IMPG1: variants seen among roughly 807,000 people sequenced by gnomAD.
IMPG1 encodes interphotoreceptor matrix proteoglycan of 150 kDa.
In IMPG1, 85 loss-of-function variants were observed where a neutral mutation model predicts 92.0. That is an observed-to-expected ratio of 0.92 (90% CI 0.78 to 1.11). IMPG1 has a LOEUF of 1.11. Ranked by LOEUF, IMPG1 falls within the 50% of genes least tolerant of loss-of-function variation. The probability of loss-of-function intolerance (pLI) is 0.00; values close to 1 mark genes in which losing one functional copy is unlikely to be tolerated. For synonymous variants in IMPG1, 367 were observed against 334.1 expected (o/e 1.10, Z -1.08); for missense variants, 1,022 against 956.0 (o/e 1.07, Z -0.91).
intron 6 of IMPG1, among the ~76,000 whole-genome samples, chr6:76,020,215 G>C (rs1427915618): frequency 6.6e-6 from 1 of 152,010 alleles, no homozygotes; most frequent in Non-Finnish European, 1.5e-5. Context: ...ACCATGCCCA[G>C]GTAATTTTTA....
chr6:75,923,749 T>TATC, intron 15 of IMPG1, 43 bp from the exon 16 acceptor site: 1 of 1,133,690 alleles, frequency 8.8e-7, no homozygotes, highest in Non-Finnish European at 1.3e-6. Flanking sequence ...TTCTTGGGCT[T>TATC]ATCAACATTA....
chr6:76,022,111 C>T lies in IMPG1; in HGVS notation c.666+5G>A. 1 of 1,520,800 alleles carries T rather than the reference C, an allele frequency of 6.6e-7. No homozygotes were observed. The highest frequency in any genetic ancestry group is 1.1e-5 in the South Asian group (1 of 89,116). The allele number at this position is 1,520,800 out of a possible 1,614,324, so 94.2% of individuals were successfully genotyped here. On this transcript the variant is annotated splice_donor_5th_base_variant and intron_variant, in intron 6 of 16. Transcript: ENST00000369950. The stretch of plus-strand genomic sequence containing the variant: ...AGAGCTAGATCAACTCTAGGAACTT[C>T]TTACTGTTGTAGGCATCTTGGTGTC...
intron 12 of IMPG1, among the ~76,000 whole-genome samples, chr6:75,960,081 C>T (rs185129824): frequency 2.8e-4 from 42 of 152,274 alleles, no homozygotes; most frequent in Admixed American, 1.3e-3. Flanking sequence ...CCGTTCCTCA[C>T]GGCACAGTCT....
chr6:76,070,282 A>T (rs550775163), intron 1 of IMPG1, among the ~76,000 whole-genome samples: 81 of 152,328 alleles, frequency 5.3e-4, no homozygotes, highest in African/African-American at 1.9e-3. Context: ...TTGAGATACT[A>T]TCTCACATAA....
intron 1 of IMPG1, among the ~76,000 whole-genome samples, chr6:76,045,170 C>T (rs1462579896): frequency 1.3e-5 from 2 of 152,160 alleles, no homozygotes; most frequent in Non-Finnish European, 2.9e-5. Flanking sequence ...TATAAGGTCA[C>T]CCAGTTTTAA....
chr6:75,969,571 A>T (rs779652039), intron 12 of IMPG1, among the ~76,000 whole-genome samples: 3 of 152,042 alleles, frequency 2.0e-5, no homozygotes, highest in Non-Finnish European at 4.4e-5. Context: ...GTGAAACCCC[A>T]TCTCTACTAA....
intron 14 of IMPG1, among the ~76,000 whole-genome samples, chr6:75,931,361 A>G (rs1781667021): frequency 6.6e-6 from 1 of 152,214 alleles, no homozygotes; most frequent in Admixed American, 6.5e-5. Flanking sequence ...TTTAGCTCCA[A>G]ATGTAATTAT....
intron 2 of IMPG1, among the ~76,000 whole-genome samples, chr6:76,040,180 A>G (rs986198666): frequency 3.9e-5 from 6 of 152,194 alleles, no homozygotes; most frequent in Non-Finnish European, 5.9e-5. Flanking sequence ...TGGGGAGAAA[A>G]ACAATGGTTT....
intron 15 of IMPG1, among the ~76,000 whole-genome samples, chr6:75,924,407 TA>T (rs1290608130): frequency 8.4e-6 from 1 of 118,784 alleles, no homozygotes; most frequent in Non-Finnish European, 1.6e-5. Context: ...AAAAATTATA[TA>T]TAATTATATA....
intron 12 of IMPG1, among the ~76,000 whole-genome samples, chr6:75,974,100 T>A (rs1034005116): frequency 2.0e-4 from 30 of 152,312 alleles, no homozygotes; most frequent in Admixed American, 6.5e-4. Context: ...CTTAAATAAT[T>A]TTGACTGTGA....
chr6:76,045,495 T>G (rs925423528), intron 1 of IMPG1, among the ~76,000 whole-genome samples: 3 of 150,438 alleles, frequency 2.0e-5, no homozygotes, highest in African/African-American at 2.5e-5. Context: ...TTGACTACTC[T>G]GTTTCTGTGA....
At chr6:76,004,007 G>A in intron 10 of IMPG1, 57 bp from the exon 11 acceptor site, 1 of 1,365,042 alleles carries the variant, frequency 7.3e-7, no homozygotes. Flanking sequence ...TTTGTGGTTG[G>A]GACAATAAAA....
At chr6:75,935,979 G>A (rs1781737762) in intron 14 of IMPG1, among the ~76,000 whole-genome samples, 1 of 152,192 alleles carries the variant, frequency 6.6e-6, no homozygotes, top group Admixed American at 6.5e-5. Flanking sequence ...CCTGTACTGA[G>A]GGTTCATCTG....
At chr6:75,947,843 C>A in intron 13 of IMPG1, among the ~76,000 whole-genome samples, 1 of 142,848 alleles carries the variant, frequency 7.0e-6, no homozygotes, top group South Asian at 2.4e-4. Context: ...AGCAGGAATG[C>A]CAAGTTCAGT....
At chr6:76,069,982 G>A (rs908550020) in intron 1 of IMPG1, among the ~76,000 whole-genome samples, 1 of 152,154 alleles carries the variant, frequency 6.6e-6, no homozygotes. Context: ...GACTACTAGA[G>A]GGAAGAGGGC....
At chr6:76,030,427 C>G (rs1472494792) in intron 4 of IMPG1, among the ~76,000 whole-genome samples, 3 of 152,130 alleles carry the variant, frequency 2.0e-5, no homozygotes, top group South Asian at 2.1e-4. Flanking sequence ...AGTCTGTACC[C>G]CTTTCAAATG....
intron 1 of IMPG1, among the ~76,000 whole-genome samples, chr6:76,054,592 G>A (rs1337028710): frequency 4.6e-5 from 7 of 152,088 alleles, no homozygotes; most frequent in East Asian, 3.9e-4. Context: ...AAAGAAAGCT[G>A]ATATATTAAA....
intron 12 of IMPG1, among the ~76,000 whole-genome samples, chr6:75,971,282 C>T (rs955307723): frequency 1.4e-5 from 2 of 139,276 alleles, no homozygotes; most frequent in Non-Finnish European, 3.0e-5. Context: ...AATACATGGA[C>T]ACAGGAAGGG....
At position 76,004,463 on chromosome 6, in the gene IMPG1, G is replaced by A. The variant is rs78008431; in HGVS notation, c.1136-513C>T. On this transcript the variant is annotated intron_variant, in intron 10 of 16. Transcript: ENST00000369950. ...TGCCTATGAATTTCCCTGGCCCTTC[G>A]TCTTGTCTCAAGAGACCTTTATGAA... Among the ~76,000 whole-genome samples, 869 of 152,236 alleles carry A rather than the reference G, an allele frequency of 5.7e-3. 34 individuals are homozygous for A. The East Asian group carries it at 0.09, about 16-fold the overall frequency.
Sources: allele counts gnomAD v4.1 joint callset (sites outside exome capture counted in the v4.1 genomes callset), GRCh38; gene constraint gnomAD v4.1.1; transcripts MANE v1.5; gene names NCBI Gene and HGNC (gene_info 2026-07-23, HGNC 2026-07-21).